Variants in TMPRSS2 observed in about 807,000 individuals in gnomAD.
The protein encoded by TMPRSS2 is transmembrane protease serine 2.
In TMPRSS2, 59 loss-of-function variants were observed where a neutral mutation model predicts 67.4. The observed-to-expected ratio is 0.88, with a 90% CI of 0.71 to 1.09. The LOEUF is 1.09. Among genes scored for constraint, TMPRSS2 ranks in the 50% least tolerant of loss-of-function variants. TMPRSS2 has a pLI of 0.00. For synonymous variants in TMPRSS2, 257 were observed against 257.0 expected (o/e 1.00, Z 0.00); for missense variants, 668 against 642.7 (o/e 1.04, Z -0.43).
rs929586847 is a variant in TMPRSS2 at position 41,465,849 on chromosome 21, CAG to C, written c.*291_*292del. ...AAATTGGCCCCTGGAAAGGACTCAGCAGGAAGATCTCAATGGGGCAGCCTCCA... is the reference window on the plus strand; with the variant it reads ...AAATTGGCCCCTGGAAAGGACTCAGCGAAGATCTCAATGGGGCAGCCTCCA... On this transcript the variant is annotated 3_prime_UTR_variant, in exon 14 of 14. Transcript: ENST00000332149. 2 of 461,510 alleles carry C rather than the reference CAG, an allele frequency of 4.3e-6. No individual in the cohort carries two copies. Among genetic ancestry groups the C allele is most frequent in the East Asian group, 7.0e-5 (2 of 28,414 alleles). 28.6% of individuals were successfully genotyped at this position (461,510 alleles called of 1,614,324 possible). A position where few individuals can be genotyped will look rare whatever the true frequency, so the allele number is the denominator to read the frequency against.
intron 5 of TMPRSS2, among the ~76,000 whole-genome samples, chr21:41,480,883 C>A (rs2091252076): frequency 6.6e-6 from 1 of 152,208 alleles, no homozygotes; most frequent in Non-Finnish European, 1.5e-5. Context: ...GGTGATCCCC[C>A]TGCCTCGGTC....
chr21:41,480,482 C>G lies in TMPRSS2; in HGVS notation c.566G>C (p.Gly189Ala), dbSNP rs1435612851. The G allele has an allele frequency of 1.9e-6, 3 of 1,613,426 alleles. No homozygotes were observed. The highest frequency in any genetic ancestry group is 2.7e-5 in the African/African-American group (2 of 74,912). The stretch of plus-strand genomic sequence containing the variant: ...GGTGCTGCCCCATACTCACTTATAG[C>G]CCATGTCCCTGCAGGCCGCCCGCCC... ...NYGRAACRDM[G>A]YKNNFYSSQG... The change falls in exon 6 of 14, where the codon GGC becomes GCC. Residue 189 changes from glycine (G) to alanine (A), a missense_variant. By Grantham distance (60) the Gly-to-Ala change is moderately conservative. Coordinates refer to ENST00000332149, the MANE Select transcript of TMPRSS2 (RefSeq NM_005656.4).
intron 7 of TMPRSS2, 152 bp downstream of exon 7, chr21:41,479,020 C>T: frequency 1.7e-6 from 1 of 604,228 alleles, no homozygotes. Flanking sequence ...TTAGAGTAAC[C>T]AGGCCTGGTC....
intron 13 of TMPRSS2, among the ~76,000 whole-genome samples, chr21:41,467,325 G>T (rs2091093403): frequency 6.6e-6 from 1 of 151,540 alleles, no homozygotes; most frequent in Non-Finnish European, 1.5e-5. Context: ...GGAGGCAAAG[G>T]TTGCAGTGAG....
intron 3 of TMPRSS2, among the ~76,000 whole-genome samples, chr21:41,493,592 T>A (rs1412205231): frequency 6.6e-6 from 1 of 152,220 alleles, no homozygotes; most frequent in Non-Finnish European, 1.5e-5. Flanking sequence ...AATTAAAAGA[T>A]CAATGTAAAA....
In TMPRSS2 at chr21:41,470,789, A is replaced by AAGGCCTCGGGCTG. The variant is rs11267899; in HGVS notation, c.1076-47_1076-46insCAGCCCGAGGCCT. 68 of 1,529,056 alleles carry AAGGCCTCGGGCTG rather than the reference A, an allele frequency of 4.4e-5. 1 individual carries two copies. The highest frequency in any genetic ancestry group is 1.4e-5 in the African/African-American group (1 of 73,356). The allele number at this position is 1,529,056 out of a possible 1,614,324, so 94.7% of individuals were successfully genotyped here. On this transcript the variant is annotated intron_variant, in intron 10 of 13. Coordinates refer to ENST00000332149, the MANE Select transcript of TMPRSS2 (RefSeq NM_005656.4). ...ACAGTGAGCCAGGCGGGTATCACCT[A>AAGGCCTCGGGCTG]TGTCTCCACCTGGCCTTCCCACATG...
At position 41,467,764 on chromosome 21, in the gene TMPRSS2, T is replaced by C; in HGVS notation, c.1437A>G (p.Val479=). The C allele has an allele frequency of 1.9e-6, 3 of 1,614,200 alleles. No homozygotes were observed. Among genetic ancestry groups the C allele is most frequent in the Non-Finnish European group, 2.5e-6 (3 of 1,180,036 alleles). ...YRPGVYGNVM[V]FTDWIYRQMR... Reference sequence around the variant, plus strand: ...TTTGTCGATAAATCCAGTCCGTGAATACCATCACATTCCCGTACACTCCTG... The same window carrying C: ...TTTGTCGATAAATCCAGTCCGTGAACACCATCACATTCCCGTACACTCCTG... The change falls in exon 13 of 14, where the codon GTA becomes GTG. Residue 479 remains valine (V), a synonymous_variant. Transcript: ENST00000332149.
At chr21:41,490,053 C>A (rs1464262100) in intron 3 of TMPRSS2, among the ~76,000 whole-genome samples, 2 of 150,648 alleles carry the variant, frequency 1.3e-5, no homozygotes, top group Non-Finnish European at 2.9e-5. Flanking sequence ...GAGGCTGAGG[C>A]AGGAGAATCA....
At chr21:41,467,521 A>C (rs2091095028) in intron 13 of TMPRSS2, among the ~76,000 whole-genome samples, 1 of 152,168 alleles carries the variant, frequency 6.6e-6, no homozygotes, top group African/African-American at 2.4e-5. Context: ...TTTCATCCAA[A>C]CACCAGGGGA....
chr21:41,472,007 C>T, intron 9 of TMPRSS2, 26 bp from the exon 10 acceptor site: 2 of 1,564,180 alleles, frequency 1.3e-6, no homozygotes, highest in African/African-American at 1.4e-5. Context: ...GACTCAGTAT[C>T]TCAGAGCCAT....
Position 41,465,882 on chromosome 21 carries a change from C to G in TMPRSS2, c.*260G>C. The G allele has an allele frequency of 1.8e-6, 1 of 553,802 alleles. No individual in the cohort carries two copies. Among genetic ancestry groups the G allele is most frequent in the Non-Finnish European group, 3.2e-6 (1 of 308,320 alleles). The allele number at this position is 553,802 out of a possible 1,614,324, so 34.3% of individuals were successfully genotyped here. A position where few individuals can be genotyped will look rare whatever the true frequency, so the allele number is the denominator to read the frequency against. On this transcript the variant is annotated 3_prime_UTR_variant, in exon 14 of 14. Transcript: ENST00000332149. The stretch of plus-strand genomic sequence containing the variant: ...TCTCAATGGGGCAGCCTCCACCCCT[C>G]TCCTCCACACTTGACCGCCAGTGCC...
chr21:41,488,260 G>A, intron 5 of TMPRSS2, 134 bp downstream of exon 5: 1 of 1,091,806 alleles, frequency 9.2e-7, no homozygotes, highest in Admixed American at 2.6e-5. Context: ...GCTCAGCCTG[G>A]AGCAGGGATT....
At chr21:41,470,817 G>A (rs1420455241) in intron 10 of TMPRSS2, 74 bp from the exon 11 acceptor site, 10 of 1,269,240 alleles carry the variant, frequency 7.9e-6, no homozygotes, top group Admixed American at 1.9e-5. Flanking sequence ...CCCACATGCA[G>A]GCTGCTGGGC....
At chr21:41,507,312 A>G (rs1327175276) in intron 1 of TMPRSS2, among the ~76,000 whole-genome samples, 1 of 151,546 alleles carries the variant, frequency 6.6e-6, no homozygotes, top group African/African-American at 2.4e-5. Flanking sequence ...CTTCCCCCCA[A>G]CCCGGCACGG....
At chr21:41,473,683 C>T (rs1215394512) in intron 8 of TMPRSS2, among the ~76,000 whole-genome samples, 187 bp from the exon 9 acceptor site, 1 of 151,880 alleles carries the variant, frequency 6.6e-6, no homozygotes, top group African/African-American at 2.4e-5. Flanking sequence ...CCAGCCCACC[C>T]AGACCCAGGA....
At chr21:41,497,380 C>T (rs1465953228) in intron 2 of TMPRSS2, among the ~76,000 whole-genome samples, 1 of 152,190 alleles carries the variant, frequency 6.6e-6, no homozygotes, top group East Asian at 1.9e-4. Context: ...AGAGGGAAAA[C>T]ACAAGGTAAT....
intron 9 of TMPRSS2, among the ~76,000 whole-genome samples, chr21:41,472,631 G>T (rs1641739046): frequency 6.6e-6 from 1 of 152,212 alleles, no homozygotes; most frequent in South Asian, 2.1e-4. Context: ...AGAAGGGCAT[G>T]CCCATCTTAT....
rs988610593 is a variant in TMPRSS2 at position 41,472,032 on chromosome 21, C to T, written c.900-51G>A. ...CTCAGAGCCATAAACACAGAGCTCT[C>T]AGTGGATGAACTTCCAACGTCAGAA... is the stretch of plus-strand genomic sequence containing the variant. On this transcript the variant is annotated intron_variant, in intron 9 of 13. Coordinates refer to ENST00000332149, the MANE Select transcript of TMPRSS2 (RefSeq NM_005656.4). 1.7e-5 allele frequency: 26 copies of T among 1,500,006 alleles called. No individual in the cohort carries two copies. The African/African-American group carries it at 2.5e-4, about 15-fold the overall frequency. The allele number at this position is 1,500,006 out of a possible 1,614,324, so 92.9% of individuals were successfully genotyped here.
chr21:41,465,950 G>A lies in TMPRSS2; in HGVS notation c.*192C>T. The A allele has an allele frequency of 1.5e-6, 1 of 671,230 alleles. No homozygotes were observed. Among genetic ancestry groups the A allele is most frequent in the Non-Finnish European group, 2.6e-6 (1 of 385,506 alleles). The allele number at this position is 671,230 out of a possible 1,614,324, so 41.6% of individuals were successfully genotyped here. A position where few individuals can be genotyped will look rare whatever the true frequency, so the allele number is the denominator to read the frequency against. The stretch of plus-strand genomic sequence containing the variant: ...CACCCCTTGCGGACAAGGGGTTAGG[G>A]AGAGCAGGCTGGGCAGGGGAGCCAC... On this transcript the variant is annotated 3_prime_UTR_variant, in exon 14 of 14. Transcript: ENST00000332149.
Sources: gnomAD v4.1 joint callset for allele counts (sites outside exome capture counted in the v4.1 genomes callset) on GRCh38, gnomAD v4.1.1 for gene constraint, MANE v1.5 for transcripts, NCBI Gene and HGNC (gene_info 2026-07-23, HGNC 2026-07-21) for gene names.